Variants in ZBED4 observed in about 807,000 individuals in gnomAD.
ZBED4 encodes the protein zinc finger BED-type containing 4, also known as zinc finger BED domain-containing protein 4.
ZBED4 carries 4 observed loss-of-function variants against 15.5 expected under a neutral mutation model. That is an observed-to-expected ratio of 0.26 (90% CI 0.13 to 0.59). The LOEUF is 0.59. Among genes scored for constraint, ZBED4 ranks in the 20% least tolerant of loss-of-function variants. The pLI is 0.90. For synonymous variants in ZBED4, 692 were observed against 608.5 expected (o/e 1.14, Z -2.02); for missense variants, 1,323 against 1,461.8 (o/e 0.91, Z 1.55).
At chr22:49,858,338 C>T (rs1405732259) in intron 1 of ZBED4, among the ~76,000 whole-genome samples, 1 of 152,266 alleles carries the variant, frequency 6.6e-6, no homozygotes, top group African/African-American at 2.4e-5. Context: ...CAGGTGTAGC[C>T]CCGATGGTAG....
chr22:49,864,293 GT>G (rs1158092694), intron 1 of ZBED4, among the ~76,000 whole-genome samples: 8 of 152,232 alleles, frequency 5.3e-5, no homozygotes, highest in Non-Finnish European at 8.8e-5. Context: ...TGTCTCATCT[GT>G]TTTATCTCTT....
intron 1 of ZBED4, among the ~76,000 whole-genome samples, chr22:49,860,643 T>TA (rs1240532891): frequency 6.6e-6 from 1 of 152,228 alleles, no homozygotes; most frequent in Non-Finnish European, 1.5e-5. Flanking sequence ...TTTCTCTGGT[T>TA]ATGTTGCCCA....
rs55993655 is a variant in ZBED4 at position 49,875,418 on chromosome 22, C to CT, written c.-329-7905dup. On this transcript the variant is annotated intron_variant, in intron 1 of 1. Coordinates refer to ENST00000216268, the MANE Select transcript of ZBED4 (RefSeq NM_014838.3). ...TCATCTGAGTTGCATAATTTATTTTCTTTTTTTTTTTCTTTTTTTTGAGAC... is the reference window on the plus strand; with the variant it reads ...TCATCTGAGTTGCATAATTTATTTTCTTTTTTTTTTTTCTTTTTTTTGAGAC... Among the ~76,000 whole-genome samples the CT allele has an allele frequency of 3.2e-3, 468 of 145,154 alleles. 3 individuals are homozygous for CT. The highest frequency in any genetic ancestry group is 0.017 in the East Asian group (86 of 4,932).
chr22:49,882,140 C>T (rs1034645149), intron 1 of ZBED4, among the ~76,000 whole-genome samples: 1 of 152,222 alleles, frequency 6.6e-6, no homozygotes, highest in Non-Finnish European at 1.5e-5. Flanking sequence ...CAGCTCCTCC[C>T]TGTGGGGGTG....
chr22:49,864,180 C>T (rs2147508614), intron 1 of ZBED4, among the ~76,000 whole-genome samples: 1 of 152,298 alleles, frequency 6.6e-6, no homozygotes, highest in Non-Finnish European at 1.5e-5. Flanking sequence ...GACGGCAGGG[C>T]GTTCACATGG....
At chr22:49,874,672 C>CAT (rs2060366945) in intron 1 of ZBED4, among the ~76,000 whole-genome samples, 1 of 37,314 alleles carries the variant, frequency 2.7e-5, no homozygotes, top group South Asian at 2.1e-3. Flanking sequence ...CATGCCCAGC[C>CAT]TTTTTTTTTT....
Position 49,885,119 on chromosome 22 carries a change from G to A in ZBED4, c.1457G>A (p.Arg486Gln), listed in dbSNP as rs550777671. ...CGGTACTGCGGCTGTGCCATCAGCC[G>A]GGGGAAGAAGGGTGATGTGGGCACC... ...ECRYCGCAIS[R>Q]GKKGDVGTSC... Residue 486 changes from arginine (R) to glutamine (Q), a missense_variant, in exon 2 of 2, where the codon CGG becomes CAG. Around this residue, in one of 6 missense-constraint regions of ZBED4, gnomAD observed 429 missense variants for 397.9 expected, o/e 1.08. Coordinates refer to ENST00000216268, the MANE Select transcript of ZBED4 (RefSeq NM_014838.3). 1.5e-5 allele frequency: 25 copies of A among 1,614,060 alleles called. No individual in the cohort carries two copies. Among genetic ancestry groups the A allele is most frequent in the Middle Eastern group, 3.3e-4 (2 of 6,084 alleles).
In ZBED4 at chr22:49,886,949, A is replaced by G; in HGVS notation, c.3287A>G (p.His1096Arg). The G allele has an allele frequency of 6.2e-7, 1 of 1,614,080 alleles. No individual in the cohort carries two copies. Among genetic ancestry groups the G allele is most frequent in the Non-Finnish European group, 8.5e-7 (1 of 1,180,016 alleles). The change falls in exon 2 of 2, where the codon CAC becomes CGC. Residue 1096 changes from histidine to arginine, a missense_variant. By Grantham distance (29) the His-to-Arg change is conservative (BLOSUM62 0). This residue lies in a region of ZBED4 where 312 missense variants were observed against 410.7 expected (regional missense o/e 0.76). Coordinates refer to ENST00000216268, the MANE Select transcript of ZBED4 (RefSeq NM_014838.3). This position sits in a 1 kb window ranked among gnomAD's most constrained non-coding sequence, Gnocchi z 7.7. The part of the protein sequence containing the change: ...LAYLEEEVLE[H>R]SCDPLTYWNL... ...TATCTGGAGGAGGAGGTGCTTGAAC[A>G]CAGCTGTGACCCGCTCACCTACTGG...
At position 49,885,557 on chromosome 22, in the gene ZBED4, G is replaced by A; in HGVS notation, c.1895G>A (p.Gly632Asp). The A allele has an allele frequency of 1.2e-6, 2 of 1,604,804 alleles. No homozygotes were observed. The highest frequency in any genetic ancestry group is 1.7e-6 in the Non-Finnish European group (2 of 1,172,650). Residue 632 changes from glycine (G) to aspartate (D), a missense_variant, in exon 2 of 2, where the codon GGC becomes GAC. Physicochemically the swap from Gly to Asp is moderately conservative, Grantham distance 94. Coordinates refer to ENST00000216268, the MANE Select transcript of ZBED4 (RefSeq NM_014838.3). The stretch of plus-strand genomic sequence containing the variant: ...TCTCCGGACACCCGGGTGCCGCGGG[G>A]CACAGAATTATCAGGCGCTTCCTCT... ...PSSPDTRVPR[G>D]TELSGASSFD...
chr22:49,872,354 G>C (rs755407685), intron 1 of ZBED4, among the ~76,000 whole-genome samples: 3 of 152,116 alleles, frequency 2.0e-5, no homozygotes, highest in Non-Finnish European at 4.4e-5. Flanking sequence ...CAATTCCGCC[G>C]TATCTTTGGG....
At chr22:49,858,392 C>T (rs143615528) in intron 1 of ZBED4, among the ~76,000 whole-genome samples, 213 of 152,350 alleles carry the variant, frequency 1.4e-3, no homozygotes, top group African/African-American at 4.7e-3. Context: ...CCGTCTGAAC[C>T]AGGCCCGGAG....
chr22:49,871,243 C>G (rs1016138261), intron 1 of ZBED4, among the ~76,000 whole-genome samples: 3 of 142,916 alleles, frequency 2.1e-5, no homozygotes, highest in Non-Finnish European at 3.0e-5. Flanking sequence ...TTCATCAGCA[C>G]TTTGGGAGGC....
chr22:49,873,838 C>T (rs904166791), intron 1 of ZBED4, among the ~76,000 whole-genome samples: 2 of 117,364 alleles, frequency 1.7e-5, no homozygotes, highest in African/African-American at 2.5e-5. Context: ...CAGGGATGCA[C>T]GGCCCACCTT....
In ZBED4 at chr22:49,874,672, C is replaced by CCTTTTTT. The variant is rs2060366945; in HGVS notation, c.-329-8662_-329-8661insCTTTTTT. Among the ~76,000 whole-genome samples, 5 of 37,314 alleles carry CCTTTTTT rather than the reference C, an allele frequency of 1.3e-4. 1 individual carries two copies. Among genetic ancestry groups the CCTTTTTT allele is most frequent in the African/African-American group, 5.5e-4 (5 of 9,124 alleles). The allele number at this position is 37,314 out of a possible 152,430, so 24.5% of individuals were successfully genotyped here. The stretch of plus-strand genomic sequence containing the variant: ...ACAGGCGTGAACCACCATGCCCAGC[C>CCTTTTTT]TTTTTTTTTTTTTTTTTTTTTTTTT... On this transcript the variant is annotated intron_variant, in intron 1 of 1. Transcript: ENST00000216268.
chr22:49,869,121 C>CAAA (rs113863967), intron 1 of ZBED4, among the ~76,000 whole-genome samples: 62 of 93,402 alleles, frequency 6.6e-4, no homozygotes, highest in African/African-American at 1.8e-3. Context: ...AAAACTGTCT[C>CAAA]AAAAAAAAAA....
chr22:49,887,863 T>C lies in ZBED4; in HGVS notation c.*685T>C, dbSNP rs1258614952. 1 of 167,276 alleles carries C rather than the reference T, an allele frequency of 6.0e-6. No individual in the cohort carries two copies. The highest frequency in any genetic ancestry group is 1.5e-5 in the Non-Finnish European group (1 of 68,144). The allele number at this position is 167,276 out of a possible 1,614,324, so 10.4% of individuals were successfully genotyped here. ...GTTAACTCAGAGATACCCCAGCTGTTTATCATCAGCTCCTCTGAAATGTGA... is the reference window on the plus strand; with the variant it reads ...GTTAACTCAGAGATACCCCAGCTGTCTATCATCAGCTCCTCTGAAATGTGA... On this transcript the variant is annotated 3_prime_UTR_variant, in exon 2 of 2. Transcript: ENST00000216268.
chr22:49,863,413 G>A (rs1281186814), intron 1 of ZBED4, among the ~76,000 whole-genome samples: 1 of 152,190 alleles, frequency 6.6e-6, no homozygotes, highest in Non-Finnish European at 1.5e-5. Flanking sequence ...CGGATCACGA[G>A]GTCAAGAGAT....
chr22:49,869,443 T>TA (rs1425836442), intron 1 of ZBED4, among the ~76,000 whole-genome samples: 4 of 152,246 alleles, frequency 2.6e-5, no homozygotes, highest in African/African-American at 4.8e-5. Flanking sequence ...GCGTGGACTT[T>TA]AGTGTGGGTC....
chr22:49,874,632 C>G (rs927901694), intron 1 of ZBED4, among the ~76,000 whole-genome samples: 4 of 140,114 alleles, frequency 2.9e-5, no homozygotes, highest in African/African-American at 7.9e-5. Context: ...CTTGGCCTCC[C>G]GAAGTGCTGG....
Sources: gnomAD v4.1 joint callset for allele counts (sites outside exome capture counted in the v4.1 genomes callset) on GRCh38, gnomAD v4.1.1 for gene constraint, gnomAD v4.1.1 regional missense constraint, Gnocchi (gnomAD v3.1) non-coding constraint, MANE v1.5 for transcripts, NCBI Gene and HGNC (gene_info 2026-07-23, HGNC 2026-07-21) for gene names.